RPS19BP1: variants seen among roughly 807,000 people sequenced by gnomAD.
RPS19BP1 encodes active regulator of SIRT1.
Under a neutral mutation model 16.6 loss-of-function variants are expected in RPS19BP1, and 14 were observed. The observed-to-expected ratio is 0.84, with a 90% CI of 0.56 to 1.32. The LOEUF is 1.32. RPS19BP1 is among the 40% of genes most tolerant of loss of function. RPS19BP1 has a pLI of 0.00. For synonymous variants in RPS19BP1, 90 were observed against 77.3 expected (o/e 1.16, Z -0.86); for missense variants, 188 against 178.6 (o/e 1.05, Z -0.30).
rs144098340 is a variant in RPS19BP1, at chr22:39,529,854, G to C, written c.245C>G (p.Thr82Arg). Reference sequence around the variant, plus strand: ...CACAGACTCAGCCACGGTGCTTCTCGTCCTGGTCAGAAACTTCAGGTTTAC... The same window carrying C: ...CACAGACTCAGCCACGGTGCTTCTCCTCCTGGTCAGAAACTTCAGGTTTAC... ...LRVNLKFLTRTRSTVAESVSQ... is the reference protein window; with the variant it reads ...LRVNLKFLTRRRSTVAESVSQ... Residue 82 changes from threonine to arginine, a missense_variant, in exon 3 of 4, where the codon ACG becomes AGG. Coordinates refer to ENST00000334678, the MANE Select transcript of RPS19BP1 (RefSeq NM_194326.4). The C allele has an allele frequency of 6.2e-7, 1 of 1,614,118 alleles. No individual in the cohort carries two copies. Among genetic ancestry groups the C allele is most frequent in the South Asian group, 1.1e-5 (1 of 91,084 alleles).
rs59991531 is a variant in RPS19BP1 at position 39,532,705 on chromosome 22, G to C, written c.34C>G (p.Leu12Val). The C allele has an allele frequency of 1.4e-5, 21 of 1,543,256 alleles. No homozygotes were observed. In the South Asian group the frequency reaches 2.5e-4, roughly 18 times the overall value. Residue 12 changes from leucine (L) to valine (V), a missense_variant, in exon 1 of 4, where the codon CTG (leucine) becomes GTG (valine). Coordinates refer to ENST00000334678, the MANE Select transcript of RPS19BP1 (RefSeq NM_194326.4). ...SAALLRRGLELLAASEAPRDP... is the reference protein window; with the variant it reads ...SAALLRRGLEVLAASEAPRDP... The stretch of plus-strand genomic sequence containing the variant: ...TCCTCACCCTCGGACGCCGCCAGCA[G>C]CTCCAGGCCCCGCCGCAGCAGGGCG...
In RPS19BP1 at chr22:39,532,493, G is replaced by T; in HGVS notation, c.83C>A (p.Pro28Gln). The change falls in exon 2 of 4, where the codon CCG becomes CAG. Residue 28 changes from proline (P) to glutamine (Q), a missense_variant. Coordinates refer to ENST00000334678, the MANE Select transcript of RPS19BP1 (RefSeq NM_194326.4). ...APRDPPGQAK[P>Q]RGAPVKRPRK... ...GGGCCGTTTCACCGGAGCCCCTCTC[G>T]GCTTGGCCTGACCTGGAGGGTCCCG... is the stretch of plus-strand genomic sequence containing the variant. 2 of 1,614,162 alleles carry T rather than the reference G, an allele frequency of 1.2e-6. No individual in the cohort carries two copies. The highest frequency in any genetic ancestry group is 1.7e-6 in the Non-Finnish European group (2 of 1,180,018).
chr22:39,529,168 A>G lies in RPS19BP1; in HGVS notation c.*324T>C, dbSNP rs985440123. On this transcript the variant is annotated 3_prime_UTR_variant, in exon 4 of 4. Coordinates refer to ENST00000334678, the MANE Select transcript of RPS19BP1 (RefSeq NM_194326.4). ...CTGGAGCTGTCGTCCCCAAGGGCTC[A>G]GGAATTAGCCTTGCTCCACAGCAAA... 2.9e-6 allele frequency: 1 copy of G among 343,124 alleles called. No individual in the cohort carries two copies. Among genetic ancestry groups the G allele is most frequent in the Non-Finnish European group, 5.5e-6 (1 of 182,912 alleles). 21.3% of individuals were successfully genotyped at this position (343,124 alleles called of 1,614,324 possible).
At chr22:39,530,301 G>A (rs1392397994) in intron 2 of RPS19BP1, 5 of 248,918 alleles carry the variant, frequency 2.0e-5, no homozygotes, top group Admixed American at 5.3e-5. Flanking sequence ...GAGGGAATGA[G>A]AAGGTCTCAC....
intron 1 of RPS19BP1, 21 bp from the exon 2 acceptor site, chr22:39,532,544 A>G: frequency 1.9e-6 from 3 of 1,613,412 alleles, no homozygotes; most frequent in East Asian, 4.5e-5. Context: ...AGAGAGAGGA[A>G]GAGACCCAGG....
chr22:39,532,350 G>A (rs375897102), intron 2 of RPS19BP1, 45 bp downstream of exon 2: 74 of 1,613,426 alleles, frequency 4.6e-5, no homozygotes, highest in Admixed American at 2.2e-4. Flanking sequence ...TGGGGCGCAG[G>A]TCCCAGCACC....
chr22:39,532,665 TC>T, intron 1 of RPS19BP1, 21 bp downstream of exon 1: 1 of 1,559,158 alleles, frequency 6.4e-7, no homozygotes. Flanking sequence ...GCGCCGGACG[TC>T]CCCTGGCCAG....
Position 39,532,280 on chromosome 22 carries a change from A to C in RPS19BP1, c.181+115T>G. The C allele has an allele frequency of 2.7e-6, 4 of 1,469,538 alleles. No homozygotes were observed. In the South Asian group the frequency reaches 3.6e-5, roughly 13 times the overall value. 91.0% of individuals were successfully genotyped at this position (1,469,538 alleles called of 1,614,324 possible). ...CAGGGCCCCGCTCCGCGCCTGGCAC[A>C]CAGTAGGTCTAGCAATACCGGGCGA... On this transcript the variant is annotated intron_variant, in intron 2 of 3. Coordinates refer to ENST00000334678, the MANE Select transcript of RPS19BP1 (RefSeq NM_194326.4).
rs1484413189 is a variant in RPS19BP1, at chr22:39,529,633, G to C, written c.280-10C>G. ...GGTTCTGGCGCAAAATCTGGCGAGG[G>C]TGCGGGACCGAGGGCCCATCATTTC... On this transcript the variant is annotated splice_polypyrimidine_tract_variant and intron_variant, in intron 3 of 3. Transcript: ENST00000334678. The C allele has an allele frequency of 2.5e-6, 4 of 1,613,426 alleles. No individual in the cohort carries two copies. Among genetic ancestry groups the C allele is most frequent in the Non-Finnish European group, 3.4e-6 (4 of 1,179,950 alleles).
chr22:39,532,056 C>T, intron 2 of RPS19BP1: 1 of 304,906 alleles, frequency 3.3e-6, no homozygotes. Flanking sequence ...TCCTTCAGCT[C>T]TCGGCTGAAA....
chr22:39,531,776 C>T (rs1569030401), intron 2 of RPS19BP1: 1 of 152,352 alleles, frequency 6.6e-6, no homozygotes, highest in Admixed American at 6.5e-5. Context: ...ATCTGTAAAA[C>T]GGGGGTGATA....
At chr22:39,532,349 G>A (rs1931333160) in intron 2 of RPS19BP1, 46 bp downstream of exon 2, 1 of 1,613,474 alleles carries the variant, frequency 6.2e-7, no homozygotes, top group Non-Finnish European at 8.5e-7. Context: ...CTGGGGCGCA[G>A]GTCCCAGCAC....
intron 2 of RPS19BP1, chr22:39,530,343 G>A (rs1037361128): frequency 4.6e-6 from 1 of 219,596 alleles, no homozygotes; most frequent in South Asian, 5.0e-5. Flanking sequence ...GTGGATATCC[G>A]GGGAAAGAGC....
rs772818253 is a variant in RPS19BP1, at chr22:39,532,499, G to A, written c.77C>T (p.Ala26Val). ...SEAPRDPPGQ[A>V]KPRGAPVKRP... ...TTTCACCGGAGCCCCTCTCGGCTTG[G>A]CCTGACCTGGAGGGTCCCGGGGGGC... The change falls in exon 2 of 4, where the codon GCC becomes GTC. Residue 26 changes from alanine to valine, a missense_variant. Coordinates refer to ENST00000334678, the MANE Select transcript of RPS19BP1 (RefSeq NM_194326.4). 6.2e-6 allele frequency: 10 copies of A among 1,614,016 alleles called. No individual in the cohort carries two copies. The highest frequency in any genetic ancestry group is 1.3e-5 in the African/African-American group (1 of 74,944).
chr22:39,532,373 T>G, intron 2 of RPS19BP1, 22 bp downstream of exon 2: 1 of 1,614,066 alleles, frequency 6.2e-7, no homozygotes, highest in Non-Finnish European at 8.5e-7. Flanking sequence ...AGGCAGCACT[T>G]TCAGCCCCTT....
chr22:39,532,020 C>G (rs1384131018), intron 2 of RPS19BP1: 3 of 221,772 alleles, frequency 1.4e-5, no homozygotes, highest in Non-Finnish European at 9.1e-6. Context: ...TATTCTCCTA[C>G]TTTTCACCTA....
In RPS19BP1 at chr22:39,529,156, C is replaced by A; in HGVS notation, c.*336G>T. On this transcript the variant is annotated 3_prime_UTR_variant, in exon 4 of 4. Coordinates refer to ENST00000334678, the MANE Select transcript of RPS19BP1 (RefSeq NM_194326.4). ...TTCTTCCTACTCCTGGAGCTGTCGT[C>A]CCCAAGGGCTCAGGAATTAGCCTTG... 1 of 320,704 alleles carries A rather than the reference C, an allele frequency of 3.1e-6. No homozygotes were observed. The highest frequency in any genetic ancestry group is 2.2e-5 in the African/African-American group (1 of 45,750). 19.9% of individuals were successfully genotyped at this position (320,704 alleles called of 1,614,324 possible). A position where few individuals can be genotyped will look rare whatever the true frequency, so the allele number is the denominator to read the frequency against.
rs748662970 is a variant in RPS19BP1 at position 39,529,920 on chromosome 22, G to A, written c.182-3C>T. 6.2e-7 allele frequency: 1 copy of A among 1,612,822 alleles called. No homozygotes were observed. Among genetic ancestry groups the A allele is most frequent in the South Asian group, 1.1e-5 (1 of 91,060 alleles). On this transcript the variant is annotated splice_region_variant and splice_polypyrimidine_tract_variant and intron_variant, in intron 2 of 3. Coordinates refer to ENST00000334678, the MANE Select transcript of RPS19BP1 (RefSeq NM_194326.4). Reference sequence around the variant, plus strand: ...ACACTCTCGCTTCCGGTACTCGTCTGTGGGTAGCAGGCAGGGAGCACCATT... The same window carrying A: ...ACACTCTCGCTTCCGGTACTCGTCTATGGGTAGCAGGCAGGGAGCACCATT...
At chr22:39,530,756 A>C (rs1015940) in intron 2 of RPS19BP1, 1 of 154,858 alleles carries the variant, frequency 6.5e-6, no homozygotes, top group Non-Finnish European at 1.4e-5. Flanking sequence ...AAAAACAACA[A>C]CAAAAACAGC....
Sources: gnomAD v4.1 joint callset for allele counts on GRCh38, gnomAD v4.1.1 for gene constraint, MANE v1.5 for transcripts, NCBI Gene and HGNC (gene_info 2026-07-23, HGNC 2026-07-21) for gene names.